GRID2: variants seen among roughly 807,000 people sequenced by gnomAD.
GRID2 encodes glutamate receptor ionotropic, delta-2.
A neutral mutation model predicts 114.8 loss-of-function variants in GRID2; 33 were observed. The ratio of observed to expected loss-of-function variants is 0.29; its 90% confidence interval spans 0.22 to 0.38. The LOEUF is 0.38. Ranked by LOEUF, GRID2 falls within the 10% of genes least tolerant of loss-of-function variation. GRID2 has a pLI of 1.00. For missense variants in GRID2, 1,184 were observed against 1,257.7 expected (o/e 0.94, Z 0.89); for synonymous variants, 505 against 449.9 (o/e 1.12, Z -1.55).
intron 1 of GRID2, among the ~76,000 whole-genome samples, chr4:92,458,267 A>G (rs1284776413): frequency 6.6e-6 from 1 of 152,230 alleles, no homozygotes; most frequent in African/African-American, 2.4e-5. Flanking sequence ...AGAGACTGTG[A>G]ATCAGATGAT....
At chr4:92,658,766 T>TG (rs1387093388) in intron 2 of GRID2, among the ~76,000 whole-genome samples, 1 of 137,684 alleles carries the variant, frequency 7.3e-6, no homozygotes, top group African/African-American at 2.7e-5. Flanking sequence ...CTACAATGAA[T>TG]GTGTTTGCAT....
intron 2 of GRID2, among the ~76,000 whole-genome samples, chr4:92,930,611 A>G (rs1750158507): frequency 7.0e-6 from 1 of 143,614 alleles, no homozygotes; most frequent in African/African-American, 2.6e-5. Context: ...CCAATTCTCA[A>G]TGTGAATAAA....
At chr4:93,246,586 CAAA>C (rs34526471) in intron 8 of GRID2, among the ~76,000 whole-genome samples, 3 of 102,094 alleles carry the variant, frequency 2.9e-5, no homozygotes, top group East Asian at 2.5e-4. Flanking sequence ...GACTCCTTCT[CAAA>C]AAAAAAAAAA....
At chr4:93,098,210 T>C (rs1200644513) in intron 3 of GRID2, among the ~76,000 whole-genome samples, 4 of 152,014 alleles carry the variant, frequency 2.6e-5, no homozygotes, top group Non-Finnish European at 5.9e-5. Flanking sequence ...TTCAATTTTA[T>C]GTTTTACCTT....
intron 8 of GRID2, among the ~76,000 whole-genome samples, chr4:93,254,728 A>G (rs1749377189): frequency 6.6e-6 from 1 of 152,070 alleles, no homozygotes; most frequent in Admixed American, 6.6e-5. Flanking sequence ...AATAAGAGAC[A>G]GTCTTTTTTA....
chr4:92,897,045 AC>A (rs1747219577), intron 2 of GRID2, among the ~76,000 whole-genome samples: 1 of 152,054 alleles, frequency 6.6e-6, no homozygotes, highest in Non-Finnish European at 1.5e-5. Flanking sequence ...CCCAGCCCAA[AC>A]CCAGGTTTTA....
rs1357511974 is a variant in GRID2 at position 93,656,730 on chromosome 4, T to A, written c.2360+30295T>A. On this transcript the variant is annotated intron_variant, in intron 14 of 15. Transcript: ENST00000282020. ...CTGTAGTCCCAGCTACTCGGGAGGC[T>A]GAGGCAGGAGAATGCCGTGAACCCG... Among the ~76,000 whole-genome samples, 3 of 126,752 alleles carry A rather than the reference T, an allele frequency of 2.4e-5. 1 individual carries two copies. The highest frequency in any genetic ancestry group is 5.1e-5 in the Non-Finnish European group (3 of 59,028). The allele number at this position is 126,752 out of a possible 152,430, so 83.2% of individuals were successfully genotyped here.
intron 6 of GRID2, 94 bp downstream of exon 6, chr4:93,217,005 G>A (rs1482461903): frequency 2.5e-5 from 20 of 788,420 alleles, no homozygotes; most frequent in Non-Finnish European, 3.8e-5. Context: ...AGAATTATAC[G>A]TGTTATTTCT....
At chr4:93,729,944 C>G (rs1202985446) in intron 14 of GRID2, among the ~76,000 whole-genome samples, 1 of 152,142 alleles carries the variant, frequency 6.6e-6, no homozygotes, top group African/African-American at 2.4e-5. Context: ...AGAGACTGTG[C>G]TTTCTTTTCA....
chr4:92,910,897 C>A (rs551493000), intron 2 of GRID2, among the ~76,000 whole-genome samples: 1 of 152,000 alleles, frequency 6.6e-6, no homozygotes, highest in East Asian at 1.9e-4. Flanking sequence ...TCAGTACAAA[C>A]ACAATTAAAA....
Position 93,055,751 on chromosome 4 carries a change from G to A in GRID2, c.245-29244G>A, listed in dbSNP as rs1233803339. Among the ~76,000 whole-genome samples, 4 of 151,770 alleles carry A rather than the reference G, an allele frequency of 2.6e-5. No individual in the cohort carries two copies. In the East Asian group the frequency reaches 7.7e-4, roughly 29 times the overall value. ...GTCTCTGGAAGTAAAAAAACAAAAA[G>A]CATAAAGTGTGTTCTTTTGGGTAGC... On this transcript the variant is annotated intron_variant, in intron 2 of 15. Coordinates refer to ENST00000282020, the MANE Select transcript of GRID2 (RefSeq NM_001510.4).
chr4:93,459,180 C>CA lies in GRID2; in HGVS notation c.1858+3233dup, dbSNP rs57937928. Among the ~76,000 whole-genome samples the CA allele has an allele frequency of 3.5e-3, 176 of 50,048 alleles. 14 individuals carry two copies. Among genetic ancestry groups the CA allele is most frequent in the East Asian group, 4.8e-3 (7 of 1,458 alleles). 32.8% of individuals were successfully genotyped at this position (50,048 alleles called of 152,430 possible). A position where few individuals can be genotyped will look rare whatever the true frequency, so the allele number is the denominator to read the frequency against. On this transcript the variant is annotated intron_variant, in intron 11 of 15. Coordinates refer to ENST00000282020, the MANE Select transcript of GRID2 (RefSeq NM_001510.4). ...GGATGACAAGAGTGAAACTCCATCT[C>CA]AAAAAAAAAAAAAAAAAAAAAAAAA...
intron 2 of GRID2, among the ~76,000 whole-genome samples, chr4:92,761,239 A>G (rs1425087095): frequency 6.6e-6 from 1 of 152,044 alleles, no homozygotes; most frequent in Non-Finnish European, 1.5e-5. Flanking sequence ...TATATTATAT[A>G]TTACATATAT....
intron 11 of GRID2, among the ~76,000 whole-genome samples, chr4:93,479,189 C>T (rs889577818): frequency 3.3e-5 from 5 of 151,942 alleles, no homozygotes; most frequent in Non-Finnish European, 7.4e-5. Flanking sequence ...AAGCAATATA[C>T]ATACCTTCAT....
intron 2 of GRID2, among the ~76,000 whole-genome samples, chr4:92,596,143 C>G (rs1728941500): frequency 6.6e-6 from 1 of 152,230 alleles, no homozygotes; most frequent in East Asian, 1.9e-4. Flanking sequence ...TCTGAATTGT[C>G]TGACAATAAA....
At chr4:93,362,034 T>C (rs1032188440) in intron 8 of GRID2, among the ~76,000 whole-genome samples, 4 of 152,054 alleles carry the variant, frequency 2.6e-5, no homozygotes, top group African/African-American at 9.7e-5. Flanking sequence ...TTATTGGAGA[T>C]GGGCTGTTAA....
intron 2 of GRID2, among the ~76,000 whole-genome samples, chr4:93,001,514 T>C (rs1186260220): frequency 6.6e-6 from 1 of 151,778 alleles, no homozygotes; most frequent in Non-Finnish European, 1.5e-5. Flanking sequence ...AGATATCAAA[T>C]ACTTTGCATA....
chr4:92,494,452 T>C (rs929515410), intron 1 of GRID2, among the ~76,000 whole-genome samples: 1 of 152,000 alleles, frequency 6.6e-6, no homozygotes, highest in African/African-American at 2.4e-5. Flanking sequence ...AAACATTTAG[T>C]GTGTTTCTTA....
At chr4:92,449,676 G>GATAGATATATAT (rs1553936045) in intron 1 of GRID2, among the ~76,000 whole-genome samples, 1 of 96,764 alleles carries the variant, frequency 1.0e-5, no homozygotes, top group Non-Finnish European at 2.0e-5. Context: ...TTTTCTTACT[G>GATAGATATATAT]ATATATATAT....
Sources: gnomAD v4.1 joint callset for allele counts (sites outside exome capture counted in the v4.1 genomes callset) on GRCh38, gnomAD v4.1.1 for gene constraint, MANE v1.5 for transcripts, NCBI Gene and HGNC (gene_info 2026-07-23, HGNC 2026-07-21) for gene names.